Variants in KAZN observed in about 807,000 individuals in gnomAD.
KAZN encodes kazrin, periplakin interacting protein.
In KAZN, 40 loss-of-function variants were observed where a neutral mutation model predicts 87.4. The observed-to-expected ratio is 0.46, with a 90% CI of 0.36 to 0.60. The LOEUF is 0.60. Ranked by LOEUF, KAZN falls within the 20% of genes least tolerant of loss-of-function variation. The pLI, the probability that KAZN is intolerant of heterozygous loss-of-function variation, is 0.00. For synonymous variants in KAZN, 466 were observed against 458.3 expected (o/e 1.02, Z -0.22); for missense variants, 898 against 1,073.9 (o/e 0.84, Z 2.29).
intron 1 of KAZN, among the ~76,000 whole-genome samples, chr1:14,818,589 T>A (rs2100814793): frequency 6.6e-6 from 1 of 152,146 alleles, no homozygotes. Context: ...ACAGCACGGG[T>A]TTTTGGAAAT....
chr1:14,067,617 T>C (rs974514908), intron 1 of KAZN, among the ~76,000 whole-genome samples: 1 of 150,914 alleles, frequency 6.6e-6, no homozygotes, highest in Non-Finnish European at 1.5e-5. Context: ...ATTTGCTTCT[T>C]CCACCCTTCT....
At chr1:14,203,360 C>T (rs1222030167) in intron 2 of KAZN, among the ~76,000 whole-genome samples, 1 of 152,124 alleles carries the variant, frequency 6.6e-6, no homozygotes, top group Non-Finnish European at 1.5e-5. Context: ...CTTTTCCTCT[C>T]CCACGAGTGT....
intron 8 of KAZN, among the ~76,000 whole-genome samples, chr1:15,082,050 G>C (rs1332929071): frequency 6.6e-6 from 1 of 152,178 alleles, no homozygotes; most frequent in Non-Finnish European, 1.5e-5. Flanking sequence ...CAGGGGACAG[G>C]TGATGGAGAC....
At chr1:14,975,206 G>A (rs1366444066) in intron 2 of KAZN, among the ~76,000 whole-genome samples, 1 of 152,186 alleles carries the variant, frequency 6.6e-6, no homozygotes, top group African/African-American at 2.4e-5. Context: ...CCAATACCCA[G>A]GGCTCCTGGG....
chr1:14,220,216 T>C (rs918017633), intron 2 of KAZN, among the ~76,000 whole-genome samples: 1 of 152,166 alleles, frequency 6.6e-6, no homozygotes, highest in Non-Finnish European at 1.5e-5. Context: ...CTGTAGGAGC[T>C]CCAGACATGT....
intron 1 of KAZN, among the ~76,000 whole-genome samples, chr1:14,781,886 A>T (rs899248123): frequency 6.6e-6 from 1 of 152,178 alleles, no homozygotes; most frequent in Admixed American, 6.5e-5. Flanking sequence ...AATTGTCAAT[A>T]ATTGGTGGTT....
intron 2 of KAZN, among the ~76,000 whole-genome samples, chr1:15,026,032 C>A (rs932364371): frequency 1.3e-5 from 2 of 151,814 alleles, no homozygotes; most frequent in African/African-American, 4.9e-5. Flanking sequence ...GAAAAAAAAA[C>A]AAATAAACTG....
chr1:15,082,465 G>T (rs1640048780), intron 8 of KAZN, among the ~76,000 whole-genome samples: 2 of 152,152 alleles, frequency 1.3e-5, no homozygotes, highest in Non-Finnish European at 2.9e-5. Context: ...CACAGGCTGG[G>T]TATAGACTCA....
intron 2 of KAZN, among the ~76,000 whole-genome samples, chr1:14,276,549 C>A (rs1460321090): frequency 2.0e-5 from 3 of 152,082 alleles, no homozygotes; most frequent in Non-Finnish European, 4.4e-5. Flanking sequence ...CTGTTCCAGG[C>A]CTCTCTCCTA....
intron 1 of KAZN, among the ~76,000 whole-genome samples, chr1:14,087,104 G>A (rs964253206): frequency 2.0e-5 from 3 of 152,130 alleles, no homozygotes; most frequent in East Asian, 1.9e-4. Context: ...CATCATCATA[G>A]TGAATCTTCT....
intron 2 of KAZN, among the ~76,000 whole-genome samples, chr1:14,346,501 A>T (rs1658119601): frequency 6.6e-6 from 1 of 152,114 alleles, no homozygotes; most frequent in South Asian, 2.1e-4. Flanking sequence ...AGCACAAAGA[A>T]GGAGGTAGAT....
intron 1 of KAZN, among the ~76,000 whole-genome samples, chr1:14,824,059 A>G (rs886476639): frequency 6.6e-6 from 1 of 150,444 alleles, no homozygotes; most frequent in Non-Finnish European, 1.5e-5. Flanking sequence ...GGTTGCAGTG[A>G]GCCGAGATTG....
intron 1 of KAZN, among the ~76,000 whole-genome samples, chr1:14,044,284 T>C (rs1447228720): frequency 6.6e-6 from 1 of 152,102 alleles, no homozygotes; most frequent in Non-Finnish European, 1.5e-5. Context: ...AGAATCATTT[T>C]CTAAAAAAAG....
chr1:14,373,969 A>G lies in KAZN; in HGVS notation c.249+193377A>G, dbSNP rs562987699. On this transcript the variant is annotated intron_variant, in intron 2 of 16. Coordinates refer to the KAZN transcript ENST00000636203. ...GCAAAAGGTAGTACTTTTGCCAGGG[A>G]GTGTAAACTAACATAAGCCAATCTC... Among the ~76,000 whole-genome samples the G allele has an allele frequency of 7.2e-5, 11 of 152,314 alleles. 1 individual carries two copies. In the East Asian group the frequency reaches 1.9e-3, roughly 27 times the overall value.
chr1:14,035,839 C>T (rs1641532443), intron 1 of KAZN, among the ~76,000 whole-genome samples: 1 of 152,014 alleles, frequency 6.6e-6, no homozygotes, highest in African/African-American at 2.4e-5. Context: ...ACTAGAGTTT[C>T]TGGTTATATG....
chr1:14,161,312 G>T (rs1053415190), intron 1 of KAZN, among the ~76,000 whole-genome samples: 8 of 152,194 alleles, frequency 5.3e-5, no homozygotes, highest in African/African-American at 1.7e-4. Flanking sequence ...AGTTGGTTCT[G>T]GCTCCCTGTC....
intron 1 of KAZN, among the ~76,000 whole-genome samples, chr1:14,650,930 C>G (rs897521537): frequency 6.6e-6 from 1 of 152,142 alleles, no homozygotes. Context: ...CTGACTTTCC[C>G]AAATGCTACC....
At position 14,245,969 on chromosome 1, in the gene KAZN, T is replaced by C. The variant is rs757153254; in HGVS notation, c.249+65377T>C. ...GATAGACTGAATTTTAAAAATGTGG[T>C]ACATATGCACCATGGAGTATTAATG... On this transcript the variant is annotated intron_variant, in intron 2 of 16. Coordinates refer to the KAZN transcript ENST00000636203. Among the ~76,000 whole-genome samples the C allele has an allele frequency of 4.9e-4, 74 of 152,186 alleles. 1 individual carries two copies. Among genetic ancestry groups the C allele is most frequent in the Non-Finnish European group, 1.5e-4 (10 of 68,036 alleles).
At chr1:14,934,948 C>G (rs1660278141) in intron 1 of KAZN, among the ~76,000 whole-genome samples, 1 of 152,252 alleles carries the variant, frequency 6.6e-6, no homozygotes, top group Non-Finnish European at 1.5e-5. Flanking sequence ...CATCGCTGAT[C>G]TGGGGTAGCC....
Sources: gnomAD v4.1 joint callset for allele counts (sites outside exome capture counted in the v4.1 genomes callset) on GRCh38, gnomAD v4.1.1 for gene constraint, MANE v1.5 for transcripts, NCBI Gene and HGNC (gene_info 2026-07-23, HGNC 2026-07-21) for gene names.